RNF150: variants seen among roughly 807,000 people sequenced by gnomAD.
The protein encoded by RNF150 is ring finger protein 150.
In RNF150, 24 loss-of-function variants were observed where a neutral mutation model predicts 39.3. The ratio of observed to expected loss-of-function variants is 0.61; its 90% confidence interval spans 0.44 to 0.86. The LOEUF (loss-of-function observed/expected upper bound fraction) is 0.86, where lower values mean the gene tolerates loss of function less well. RNF150 is among the 40% of genes least tolerant of loss of function. The probability of loss-of-function intolerance (pLI) is 0.00; values close to 1 mark genes in which losing one functional copy is unlikely to be tolerated. For missense variants in RNF150, 502 were observed against 587.8 expected, an observed-to-expected ratio of 0.85 and a Z score of 1.51; for synonymous variants, 255 against 227.3, an observed-to-expected ratio of 1.12 and a Z score of -1.10.
In RNF150 at chr4:140,978,753, C is replaced by CTT. The variant is rs1156505340; in HGVS notation, c.485-10882_485-10881dup. 1.4e-4 allele frequency among the ~76,000 whole-genome samples: 21 copies of CTT among 152,128 alleles called. No homozygotes were observed. The East Asian group carries it at 1.9e-3, about 14-fold the overall frequency. On this transcript the variant is annotated intron_variant, in intron 1 of 6. Transcript: ENST00000515673. ...TTTAGAGATTCACCTGTAGGGTTTT[C>CTT]TTAGAAAATATTCAGTAAATCAGTC...
rs568326667 is a variant in RNF150, at chr4:141,048,656, C to T, written c.485-80783G>A. ...GCTGAGGCAGGAGGATCCCTTGAGC[C>T]CTGGAGTTCAAGGCTGCAGTGAGCT... On this transcript the variant is annotated intron_variant, in intron 1 of 6. Transcript: ENST00000515673. Among the ~76,000 whole-genome samples, 4 of 152,106 alleles carry T rather than the reference C, an allele frequency of 2.6e-5. No individual in the cohort carries two copies. The East Asian group carries it at 7.7e-4, about 29-fold the overall frequency.
At chr4:140,920,919 G>A (rs1269372930) in intron 5 of RNF150, among the ~76,000 whole-genome samples, 1 of 151,804 alleles carries the variant, frequency 6.6e-6, no homozygotes, top group Non-Finnish European at 1.5e-5. Context: ...TCATCATTCT[G>A]AGTAAACTAT....
chr4:141,046,441 G>A (rs554155904), intron 1 of RNF150, among the ~76,000 whole-genome samples: 5 of 152,292 alleles, frequency 3.3e-5, no homozygotes, highest in African/African-American at 1.2e-4. Flanking sequence ...ACACAACCAC[G>A]AGTCTGGGAG....
At chr4:141,102,803 G>A (rs1446455251) in intron 1 of RNF150, among the ~76,000 whole-genome samples, 1 of 152,120 alleles carries the variant, frequency 6.6e-6, no homozygotes, top group African/African-American at 2.4e-5. Context: ...TCCAGCAAAA[G>A]TAAATAACTG....
chr4:141,003,093 T>C (rs1475101552), intron 1 of RNF150, among the ~76,000 whole-genome samples: 4 of 152,136 alleles, frequency 2.6e-5, no homozygotes, highest in Non-Finnish European at 1.5e-5. Flanking sequence ...TTCTGCCTGA[T>C]AAAGATATTT....
intron 4 of RNF150, among the ~76,000 whole-genome samples, chr4:140,926,919 C>T (rs1298927219): frequency 6.6e-6 from 1 of 152,200 alleles, no homozygotes; most frequent in Non-Finnish European, 1.5e-5. Context: ...TGTTTTAAGT[C>T]TGAGGACTTC....
At chr4:140,869,403 A>AT (rs201923355) in intron 6 of RNF150, among the ~76,000 whole-genome samples, 4 of 152,118 alleles carry the variant, frequency 2.6e-5, no homozygotes, top group African/African-American at 9.6e-5. Context: ...TTCTGTTAAC[A>AT]TTTTTTTTCA....
At chr4:140,922,367 C>T (rs1731193166) in intron 5 of RNF150, among the ~76,000 whole-genome samples, 1 of 149,736 alleles carries the variant, frequency 6.7e-6, no homozygotes, top group African/African-American at 2.5e-5. Context: ...CTCCCACTCA[C>T]AATTGCTTCA....
At position 141,132,982 on chromosome 4, in the gene RNF150, C is replaced by T; in HGVS notation, c.-174G>A. The T allele has an allele frequency of 1.8e-6, 1 of 564,874 alleles. No individual in the cohort carries two copies. The highest frequency in any genetic ancestry group is 3.0e-6 in the Non-Finnish European group (1 of 329,522). The allele number at this position is 564,874 out of a possible 1,614,324, so 35.0% of individuals were successfully genotyped here. On this transcript the variant is annotated 5_prime_UTR_variant, in exon 1 of 7. Transcript: ENST00000515673. The surrounding 1 kb of genome is among the most constrained non-coding windows in gnomAD (Gnocchi z 4.9). ...CCGCGGGGACCGGATTCCGGGCGAG[C>T]GGATGGCGCTGGCCCCTTCCCCTCT... is the stretch of plus-strand genomic sequence containing the variant.
At chr4:140,928,569 C>T (rs188995759) in intron 4 of RNF150, among the ~76,000 whole-genome samples, 18 of 152,266 alleles carry the variant, frequency 1.2e-4, no homozygotes, top group African/African-American at 3.1e-4. Context: ...TTTTTTGAGA[C>T]GGAGTCTCGC....
upstream of RNF150, among the ~76,000 whole-genome samples, chr4:141,134,762 C>A (rs74784679): frequency 5.8e-4 from 88 of 152,334 alleles, 1 homozygote; most frequent in East Asian, 0.016. Flanking sequence ...ATAGCGCTTA[C>A]TGCCAAGGAG....
At chr4:141,076,586 C>A (rs1307258768) in intron 1 of RNF150, among the ~76,000 whole-genome samples, 1 of 151,516 alleles carries the variant, frequency 6.6e-6, no homozygotes, top group Non-Finnish European at 1.5e-5. Context: ...ACATACTTAC[C>A]TGTTAAATTT....
At chr4:141,155,041 C>T (rs886567974) in intron 1 of RNF150, among the ~76,000 whole-genome samples, 4 of 152,124 alleles carry the variant, frequency 2.6e-5, no homozygotes, top group Non-Finnish European at 1.5e-5. Flanking sequence ...TGTCCGTCAA[C>T]TTAAAATTGT....
intron 1 of RNF150, among the ~76,000 whole-genome samples, chr4:141,096,295 C>A (rs902509233): frequency 3.5e-5 from 5 of 143,522 alleles, no homozygotes; most frequent in Non-Finnish European, 6.0e-5. Context: ...CTCCCGGGTT[C>A]AAGCGATTCT....
intron 1 of RNF150, among the ~76,000 whole-genome samples, chr4:141,189,172 C>T (rs1728063891): frequency 6.6e-6 from 1 of 152,166 alleles, no homozygotes; most frequent in Admixed American, 6.5e-5. Flanking sequence ...TGCAGGTCTG[C>T]TGGAGTTTGC....
intron 6 of RNF150, among the ~76,000 whole-genome samples, chr4:140,897,029 G>T (rs1157309432): frequency 6.6e-6 from 1 of 152,100 alleles, no homozygotes; most frequent in Admixed American, 6.6e-5. Context: ...ATTTGGACCA[G>T]GGCTGTAAGG....
intron 1 of RNF150, among the ~76,000 whole-genome samples, chr4:141,162,311 G>A (rs1026690536): frequency 1.1e-4 from 16 of 152,158 alleles, no homozygotes; most frequent in Non-Finnish European, 1.2e-4. Flanking sequence ...CATGAGGCCT[G>A]TAACCACTTG....
chr4:141,066,241 GAA>G lies in RNF150; in HGVS notation c.484+66082_484+66083del, dbSNP rs34239483. Among the ~76,000 whole-genome samples, 347 of 146,374 alleles carry G rather than the reference GAA, an allele frequency of 2.4e-3. 1 individual carries two copies. Among genetic ancestry groups the G allele is most frequent in the African/African-American group, 7.3e-3 (287 of 39,252 alleles). ...GCTATCATTTGTTCAGTATATGTGC[GAA>G]AAAAAAAAAACCATTCCTCAGTAAT... On this transcript the variant is annotated intron_variant, in intron 1 of 6. Coordinates refer to ENST00000515673, the MANE Select transcript of RNF150 (RefSeq NM_020724.2).
At chr4:141,098,024 A>T (rs951995058) in intron 1 of RNF150, among the ~76,000 whole-genome samples, 3 of 152,202 alleles carry the variant, frequency 2.0e-5, no homozygotes, top group African/African-American at 7.2e-5. Context: ...GGGTGGGAGG[A>T]ATCATACACA....
Sources: gnomAD v4.1 joint callset for allele counts (sites outside exome capture counted in the v4.1 genomes callset) on GRCh38, gnomAD v4.1.1 for gene constraint, Gnocchi (gnomAD v3.1) non-coding constraint, MANE v1.5 for transcripts, NCBI Gene and HGNC (gene_info 2026-07-23, HGNC 2026-07-21) for gene names.